PCDH9: variants seen among roughly 807,000 people sequenced by gnomAD.
The protein encoded by PCDH9 is protocadherin-9.
PCDH9 carries 24 observed loss-of-function variants against 70.6 expected under a neutral mutation model. That is an observed-to-expected ratio of 0.34 (90% CI 0.25 to 0.48). The LOEUF (loss-of-function observed/expected upper bound fraction) is 0.48. Among genes scored for constraint, PCDH9 ranks in the 20% least tolerant of loss-of-function variants. PCDH9 has a pLI of 0.99. For synonymous variants in PCDH9, 562 were observed against 558.5 expected, an observed-to-expected ratio of 1.01 and a Z score of -0.09; for missense variants, 1,281 against 1,503.6, an observed-to-expected ratio of 0.85 and a Z score of 2.45.
intron 3 of PCDH9, among the ~76,000 whole-genome samples, chr13:66,678,835 T>C (rs1049390959): frequency 3.9e-5 from 6 of 151,936 alleles, no homozygotes; most frequent in African/African-American, 1.2e-4. Flanking sequence ...AATTCACACT[T>C]AGTACACTCT....
At chr13:67,011,548 T>C (rs2084451939) in intron 2 of PCDH9, among the ~76,000 whole-genome samples, 1 of 151,832 alleles carries the variant, frequency 6.6e-6, no homozygotes, top group African/African-American at 2.4e-5. Flanking sequence ...AAATATCTTC[T>C]GTACAGCACC....
chr13:66,444,113 C>A (rs559876190), intron 4 of PCDH9, among the ~76,000 whole-genome samples: 1 of 152,140 alleles, frequency 6.6e-6, no homozygotes, highest in Non-Finnish European at 1.5e-5. Flanking sequence ...TTGTGCCCCA[C>A]GGAGACTAAG....
At chr13:66,757,332 T>G (rs979056429) in intron 3 of PCDH9, among the ~76,000 whole-genome samples, 3 of 152,212 alleles carry the variant, frequency 2.0e-5, no homozygotes. Flanking sequence ...TGAAATAAAT[T>G]TCTTTGTTTC....
intron 3 of PCDH9, among the ~76,000 whole-genome samples, chr13:66,758,953 G>C (rs1594018498): frequency 6.6e-6 from 1 of 151,992 alleles, no homozygotes; most frequent in East Asian, 1.9e-4. Context: ...GTGTATTTCT[G>C]TGGCATTAAT....
chr13:66,697,279 T>TC (rs1017192604), intron 3 of PCDH9, among the ~76,000 whole-genome samples: 73 of 150,992 alleles, frequency 4.8e-4, no homozygotes, highest in Admixed American at 9.9e-4. Context: ...AATTTATTTC[T>TC]CCCCCCCCAA....
intron 4 of PCDH9, among the ~76,000 whole-genome samples, chr13:66,470,313 T>A (rs1958593311): frequency 6.6e-6 from 1 of 152,148 alleles, no homozygotes; most frequent in Admixed American, 6.5e-5. Context: ...ATTATATATA[T>A]CCTTCTGTTG....
intron 4 of PCDH9, among the ~76,000 whole-genome samples, chr13:66,532,038 A>C (rs538696892): frequency 6.6e-6 from 1 of 152,186 alleles, no homozygotes; most frequent in East Asian, 1.9e-4. Flanking sequence ...CCAGGCTGGA[A>C]TGCAATGGCA....
At chr13:66,954,798 C>G (rs972947572) in intron 2 of PCDH9, among the ~76,000 whole-genome samples, 1 of 152,222 alleles carries the variant, frequency 6.6e-6, no homozygotes, top group Non-Finnish European at 1.5e-5. Flanking sequence ...GAGTCTCGCT[C>G]TGTCACCCAG....
chr13:66,406,965 G>A (rs1957291138), intron 4 of PCDH9, among the ~76,000 whole-genome samples: 1 of 152,122 alleles, frequency 6.6e-6, no homozygotes, highest in African/African-American at 2.4e-5. Flanking sequence ...ACCATATACA[G>A]TGGTTTAGAA....
intron 3 of PCDH9, among the ~76,000 whole-genome samples, chr13:66,683,538 G>A (rs1381491022): frequency 1.3e-5 from 2 of 152,172 alleles, no homozygotes; most frequent in African/African-American, 2.4e-5. Flanking sequence ...GCAACAGCTA[G>A]CACTCACTAT....
intron 2 of PCDH9, among the ~76,000 whole-genome samples, chr13:67,130,119 A>T (rs2138327273): frequency 6.6e-6 from 1 of 152,244 alleles, no homozygotes; most frequent in East Asian, 1.9e-4. Flanking sequence ...TTAAATATTA[A>T]AACCTTGGTG....
chr13:67,211,812 C>A (rs1445356255), intron 2 of PCDH9: 1 of 152,082 alleles, frequency 6.6e-6, no homozygotes, highest in Admixed American at 6.5e-5. Context: ...GCCAATTAAA[C>A]CAAACATTTA....
chr13:67,023,396 G>A (rs2139866047), intron 2 of PCDH9, among the ~76,000 whole-genome samples: 1 of 152,240 alleles, frequency 6.6e-6, no homozygotes, highest in African/African-American at 2.4e-5. Context: ...CAGAAATTCT[G>A]TAGTAAAATT....
chr13:67,195,206 C>T (rs1055160722), intron 2 of PCDH9, among the ~76,000 whole-genome samples: 4 of 151,204 alleles, frequency 2.6e-5, no homozygotes, highest in Non-Finnish European at 4.4e-5. Context: ...AGTTCAGTGG[C>T]GCGATCTCAG....
chr13:67,163,744 T>G (rs961359991), intron 2 of PCDH9, among the ~76,000 whole-genome samples: 2 of 152,196 alleles, frequency 1.3e-5, no homozygotes, highest in Non-Finnish European at 2.9e-5. Context: ...ATATTGAGGC[T>G]TCCAAAATGT....
chr13:67,162,755 A>G (rs761957741), intron 2 of PCDH9, among the ~76,000 whole-genome samples: 4 of 152,168 alleles, frequency 2.6e-5, no homozygotes, highest in Non-Finnish European at 4.4e-5. Flanking sequence ...CCCCCTAGAC[A>G]TTACTATTTA....
chr13:66,941,310 TA>T (rs2083002835), intron 2 of PCDH9, among the ~76,000 whole-genome samples: 1 of 151,376 alleles, frequency 6.6e-6, no homozygotes, highest in Admixed American at 6.6e-5. Flanking sequence ...AAACATATTA[TA>T]AAATAATCCA....
chr13:66,716,868 T>C (rs907652251), intron 3 of PCDH9, among the ~76,000 whole-genome samples: 3 of 152,120 alleles, frequency 2.0e-5, no homozygotes, highest in Non-Finnish European at 4.4e-5. Context: ...GAACAAAGTG[T>C]CCACATGGTA....
chr13:66,544,735 AG>A (rs1271033210), intron 4 of PCDH9, among the ~76,000 whole-genome samples: 1 of 152,126 alleles, frequency 6.6e-6, no homozygotes, highest in Non-Finnish European at 1.5e-5. Context: ...TGCCATGGAA[AG>A]GGGCAGTAAT....
Sources: gnomAD v4.1 joint callset for allele counts (sites outside exome capture counted in the v4.1 genomes callset) on GRCh38, gnomAD v4.1.1 for gene constraint, MANE v1.5 for transcripts, NCBI Gene and HGNC (gene_info 2026-07-23, HGNC 2026-07-21) for gene names.